Variants in LUZP2 observed in about 807,000 individuals in gnomAD.
LUZP2 encodes leucine zipper protein 2.
Under a neutral mutation model 51.6 loss-of-function variants are expected in LUZP2, and 52 were observed. The observed-to-expected ratio is 1.01, with a 90% confidence interval of 0.81 to 1.27. The LOEUF is 1.27. LUZP2 is among the 50% of genes most tolerant of loss of function. The pLI is 0.00. For synonymous variants in LUZP2, 154 were observed against 137.3 expected (o/e 1.12, Z -0.85); for missense variants, 436 against 395.4 (o/e 1.10, Z -0.87).
intron 1 of LUZP2, among the ~76,000 whole-genome samples, chr11:24,632,220 C>CCCACA (rs1271801682): frequency 4.6e-5 from 7 of 151,846 alleles, no homozygotes; most frequent in African/African-American, 1.7e-4. Context: ...TATCAGGATG[C>CCCACA]CATTGTATAA....
chr11:24,918,460 G>A (rs980911962), intron 7 of LUZP2, among the ~76,000 whole-genome samples: 3 of 151,586 alleles, frequency 2.0e-5, no homozygotes, highest in African/African-American at 7.3e-5. Flanking sequence ...CAGTAGGTTT[G>A]CACATGATTA....
At chr11:24,643,279 T>A (rs1317046696) in intron 1 of LUZP2, among the ~76,000 whole-genome samples, 6 of 128,236 alleles carry the variant, frequency 4.7e-5, no homozygotes, top group Non-Finnish European at 6.6e-5. Flanking sequence ...AAAAAAAAAT[T>A]AGCTGGGCGT....
chr11:24,629,529 C>CAT (rs965605595), intron 1 of LUZP2, among the ~76,000 whole-genome samples: 6 of 131,530 alleles, frequency 4.6e-5, no homozygotes, highest in Middle Eastern at 3.8e-3. Flanking sequence ...TATTCCATTG[C>CAT]ATATATATAT....
chr11:24,650,753 G>T (rs545612841), intron 1 of LUZP2, among the ~76,000 whole-genome samples: 1 of 152,070 alleles, frequency 6.6e-6, no homozygotes, highest in African/African-American at 2.4e-5. Context: ...TGATATTTTT[G>T]ACTCATATTT....
intron 1 of LUZP2, among the ~76,000 whole-genome samples, chr11:24,623,788 A>G (rs1854585993): frequency 6.6e-6 from 1 of 152,184 alleles, no homozygotes; most frequent in South Asian, 2.1e-4. Flanking sequence ...TGGAGGTTGC[A>G]GTGAGCTGAG....
At chr11:24,536,997 A>T (rs557832661) in intron 1 of LUZP2, among the ~76,000 whole-genome samples, 1 of 152,008 alleles carries the variant, frequency 6.6e-6, no homozygotes, top group African/African-American at 2.4e-5. Context: ...GAGAAAGACA[A>T]GGGAACAGCT....
At chr11:24,693,443 G>C (rs965307755) in intron 1 of LUZP2, among the ~76,000 whole-genome samples, 2 of 151,492 alleles carry the variant, frequency 1.3e-5, no homozygotes, top group African/African-American at 4.8e-5. Flanking sequence ...TTGAGTTACT[G>C]TTTTCCATAT....
intron 7 of LUZP2, among the ~76,000 whole-genome samples, chr11:24,944,476 G>A (rs1198583130): frequency 6.6e-6 from 1 of 152,176 alleles, no homozygotes; most frequent in African/African-American, 2.4e-5. Context: ...TATAAAATAT[G>A]CAGAGAGAAA....
chr11:24,908,142 G>T (rs1853514552), intron 6 of LUZP2, among the ~76,000 whole-genome samples: 2 of 152,006 alleles, frequency 1.3e-5, no homozygotes, highest in South Asian at 4.2e-4. Flanking sequence ...AATGGAGATT[G>T]CCTGTTAGAT....
intron 5 of LUZP2, among the ~76,000 whole-genome samples, chr11:24,879,527 T>A (rs1286596496): frequency 6.6e-6 from 1 of 152,146 alleles, no homozygotes; most frequent in East Asian, 1.9e-4. Flanking sequence ...TAATTTACAT[T>A]CCCACCAGCC....
At chr11:24,521,272 A>G (rs1210151358) in intron 1 of LUZP2, among the ~76,000 whole-genome samples, 1 of 145,402 alleles carries the variant, frequency 6.9e-6, no homozygotes, top group Non-Finnish European at 1.5e-5. Context: ...AATTGCTTGA[A>G]CCTGGAAGGT....
At chr11:24,635,504 C>A (rs1590274185) in intron 1 of LUZP2, among the ~76,000 whole-genome samples, 1 of 151,806 alleles carries the variant, frequency 6.6e-6, no homozygotes, top group African/African-American at 2.4e-5. Flanking sequence ...TGTCACCAAA[C>A]TAAAGACAGT....
At chr11:24,856,465 T>C (rs1262267084) in intron 5 of LUZP2, among the ~76,000 whole-genome samples, 1 of 152,102 alleles carries the variant, frequency 6.6e-6, no homozygotes, top group Non-Finnish European at 1.5e-5. Context: ...AAGATAATGC[T>C]TATATGCTTT....
At chr11:24,903,470 AC>A (rs1274234024) in intron 5 of LUZP2, among the ~76,000 whole-genome samples, 1 of 152,060 alleles carries the variant, frequency 6.6e-6, no homozygotes, top group Non-Finnish European at 1.5e-5. Flanking sequence ...AAAATAAAAA[AC>A]CCTGTTCAAA....
At chr11:24,637,176 A>G (rs1855134120) in intron 1 of LUZP2, among the ~76,000 whole-genome samples, 1 of 151,798 alleles carries the variant, frequency 6.6e-6, no homozygotes, top group Admixed American at 6.6e-5. Flanking sequence ...GTGGGAAGTC[A>G]GGGACCCCGA....
At chr11:24,912,373 A>G (rs1056676455) in intron 6 of LUZP2, among the ~76,000 whole-genome samples, 6 of 151,892 alleles carry the variant, frequency 4.0e-5, no homozygotes, top group Admixed American at 1.3e-4. Context: ...CAATATTAGA[A>G]CCTTGTAGTG....
At chr11:25,067,132 A>G (rs776554028) in intron 10 of LUZP2, among the ~76,000 whole-genome samples, 7 of 151,988 alleles carry the variant, frequency 4.6e-5, no homozygotes, top group Admixed American at 6.6e-5. Context: ...CTCTGATTAC[A>G]TGTAGTGTAG....
rs184110153 is a variant in LUZP2, at chr11:24,951,456, A to G, written c.523-25135A>G. Among the ~76,000 whole-genome samples the G allele has an allele frequency of 2.3e-3, 352 of 151,590 alleles. 1 individual carries two copies. Among genetic ancestry groups the G allele is most frequent in the African/African-American group, 7.9e-3 (329 of 41,448 alleles). ...AAAAAGAACAATGCTTTTAAGTTAT[A>G]TTTTACGATTATTTTTCTAATACCC... On this transcript the variant is annotated intron_variant, in intron 7 of 11. Coordinates refer to ENST00000336930, the MANE Select transcript of LUZP2 (RefSeq NM_001009909.4).
chr11:24,601,813 A>T (rs1333575677), intron 1 of LUZP2, among the ~76,000 whole-genome samples: 1 of 149,498 alleles, frequency 6.7e-6, no homozygotes, highest in East Asian at 1.9e-4. Flanking sequence ...CAGCAATACA[A>T]GACTGTTTAG....
Sources: gnomAD v4.1 joint callset for allele counts (sites outside exome capture counted in the v4.1 genomes callset) on GRCh38, gnomAD v4.1.1 for gene constraint, MANE v1.5 for transcripts, NCBI Gene and HGNC (gene_info 2026-07-23, HGNC 2026-07-21) for gene names.